The following HEATR5A variants were observed in gnomAD, a reference collection of about 807,000 sequenced individuals.
The protein encoded by HEATR5A is HEAT repeat containing 5A.
A neutral mutation model predicts 218.8 loss-of-function variants in HEATR5A; 178 were observed. That is an observed-to-expected ratio of 0.81 (90% confidence interval 0.72 to 0.92). The LOEUF is 0.92. HEATR5A is among the 40% of genes least tolerant of loss of function. The pLI is 0.00. For missense variants in HEATR5A, 2,420 were observed against 2,418.9 expected, an observed-to-expected ratio of 1.00 and a Z score of -0.01; for synonymous variants, 864 against 871.6, an observed-to-expected ratio of 0.99 and a Z score of 0.15.
intron 22 of HEATR5A, among the ~76,000 whole-genome samples, chr14:31,329,541 A>G (rs1316472280): frequency 3.3e-5 from 5 of 152,120 alleles, no homozygotes; most frequent in Non-Finnish European, 5.9e-5. Context: ...TCCAGGGAAC[A>G]CTGATGCAAG....
At position 31,302,301 on chromosome 14, in the gene HEATR5A, C is replaced by T; in HGVS notation, c.5458G>A (p.Asp1820Asn). The T allele has an allele frequency of 6.3e-7, 1 of 1,587,944 alleles. No individual in the cohort carries two copies. ...SALTTILDCW[D>N]PVDETHQELD... ...TCCAAATAGCCTCAATTACCTGGAT[C>T]CCAACAGTCAAGAATTGTTGTTAAG... The change falls in exon 33 of 36, where the codon GAT becomes AAT. Residue 1820 changes from aspartate to asparagine, a missense_variant. By Grantham distance (23) the Asp-to-Asn change is conservative. Coordinates refer to ENST00000543095, the MANE Select transcript of HEATR5A (RefSeq NM_015473.4).
intron 27 of HEATR5A, among the ~76,000 whole-genome samples, chr14:31,314,150 G>A (rs776622378): frequency 3.3e-5 from 5 of 152,020 alleles, no homozygotes; most frequent in East Asian, 3.9e-4. Context: ...GTTTCACCAC[G>A]TTGACCAGGC....
intron 28 of HEATR5A, among the ~76,000 whole-genome samples, chr14:31,310,151 A>ATT (rs147309147): frequency 1.3e-5 from 2 of 151,130 alleles, no homozygotes; most frequent in Non-Finnish European, 3.0e-5. Flanking sequence ...AACATACGCT[A>ATT]TTTTTTTTTG....
At chr14:31,333,176 G>A (rs1010017170) in intron 22 of HEATR5A, among the ~76,000 whole-genome samples, 7 of 152,102 alleles carry the variant, frequency 4.6e-5, no homozygotes, top group African/African-American at 1.7e-4. Context: ...GCAAGATAAA[G>A]CAGCAAATCC....
In HEATR5A at chr14:31,395,236, G is replaced by A; in HGVS notation, c.560C>T (p.Thr187Ile). Residue 187 changes from threonine to isoleucine, a missense_variant, in exon 5 of 36, where the codon ACA (threonine) becomes ATA (isoleucine). Coordinates refer to ENST00000543095, the MANE Select transcript of HEATR5A (RefSeq NM_015473.4). ...ACAACGAACAGCCATGGATCTATCT[G>A]TCAAGCAGGATCTAGCAGCTTTATA... ...DVYKAARSCL[T>I]DRSMAVRCAA... 6.5e-7 allele frequency: 1 copy of A among 1,533,822 alleles called. No individual in the cohort carries two copies.
At chr14:31,374,718 C>T (rs983447192) in intron 12 of HEATR5A, 98 bp downstream of exon 12, 1 of 1,140,556 alleles carries the variant, frequency 8.8e-7, no homozygotes, top group Non-Finnish European at 1.2e-6. Context: ...GGCATATCCC[C>T]CTGCCTCGTG....
Position 31,293,900 on chromosome 14 carries a change from C to T in HEATR5A, c.5824G>A (p.Glu1942Lys), listed in dbSNP as rs1211580413. The T allele has an allele frequency of 6.3e-7, 1 of 1,598,400 alleles. No homozygotes were observed. The highest frequency in any genetic ancestry group is 1.7e-5 in the Admixed American group (1 of 57,602). The change falls in exon 35 of 36, where the codon GAA (glutamate) becomes AAA (lysine). Residue 1942 changes from glutamate (E) to lysine (K), a missense_variant. Coordinates refer to ENST00000543095, the MANE Select transcript of HEATR5A (RefSeq NM_015473.4). The part of the protein sequence containing the change: ...VLETLVTVAE[E>K]HHRAQLVACL... ...TAGTGCTGACACTTACGATGGTGTT[C>T]TTCAGCAACAGTAACCAGTGTTTCT...
chr14:31,349,100 A>G (rs1901119074), intron 18 of HEATR5A, among the ~76,000 whole-genome samples: 1 of 152,180 alleles, frequency 6.6e-6, no homozygotes, highest in South Asian at 2.1e-4. Context: ...GATAGAAATG[A>G]AAGTACAGGC....
rs1327797406 is a variant in HEATR5A, at chr14:31,305,184, G to T, written c.4967-7C>A. ...TCAGCAGCCCCATCATCAACTAAAAGAAAGAATAGTGTTTAATACTTTGTG... is the reference window on the plus strand; with the variant it reads ...TCAGCAGCCCCATCATCAACTAAAATAAAGAATAGTGTTTAATACTTTGTG... On this transcript the variant is annotated splice_region_variant and splice_polypyrimidine_tract_variant and intron_variant, in intron 31 of 35. Transcript: ENST00000543095. The T allele has an allele frequency of 6.2e-7, 1 of 1,611,516 alleles. No homozygotes were observed. The highest frequency in any genetic ancestry group is 1.3e-5 in the African/African-American group (1 of 74,728).
At position 31,412,872 on chromosome 14, in the gene HEATR5A, C is replaced by T. The variant is rs547483524; in HGVS notation, c.-75+7600G>A. Among the ~76,000 whole-genome samples the T allele has an allele frequency of 7.2e-5, 11 of 152,158 alleles. No individual in the cohort carries two copies. The South Asian group carries it at 1.2e-3, about 17-fold the overall frequency. ...CTGGGCAACAAGAGCCAAACTCCATCTCAAAAAAAATTTGTGTTATTCTAT... is the reference window on the plus strand; with the variant it reads ...CTGGGCAACAAGAGCCAAACTCCATTTCAAAAAAAATTTGTGTTATTCTAT... On this transcript the variant is annotated intron_variant, in intron 1 of 35. Transcript: ENST00000543095.
intron 21 of HEATR5A, among the ~76,000 whole-genome samples, chr14:31,343,235 G>A (rs772036520): frequency 7.2e-5 from 11 of 152,142 alleles, no homozygotes; most frequent in Non-Finnish European, 1.3e-4. Context: ...TGGGATTACA[G>A]GCACCCACCA....
intron 27 of HEATR5A, among the ~76,000 whole-genome samples, chr14:31,315,444 A>G (rs543884226): frequency 4.6e-5 from 7 of 152,342 alleles, no homozygotes; most frequent in African/African-American, 1.2e-4. Context: ...AAAGCATTAC[A>G]TGCTACAGAG....
At chr14:31,390,130 G>A (rs2030391985) in intron 6 of HEATR5A, among the ~76,000 whole-genome samples, 1 of 152,118 alleles carries the variant, frequency 6.6e-6, no homozygotes, top group South Asian at 2.1e-4. Flanking sequence ...ATGACAAAAA[G>A]GCCTTTATAG....
intron 11 of HEATR5A, among the ~76,000 whole-genome samples, chr14:31,380,089 G>A (rs1315629686): frequency 6.6e-6 from 1 of 152,128 alleles, no homozygotes; most frequent in African/African-American, 2.4e-5. Context: ...AACAATTATA[G>A]AACTGGATTC....
At chr14:31,349,377 C>A (rs1901133990) in intron 18 of HEATR5A, among the ~76,000 whole-genome samples, 1 of 151,886 alleles carries the variant, frequency 6.6e-6, no homozygotes, top group Admixed American at 6.6e-5. Context: ...GGGTGAGACT[C>A]CGTCTCAAAA....
At chr14:31,306,144 C>T (rs943818278) in intron 31 of HEATR5A, among the ~76,000 whole-genome samples, 3 of 152,088 alleles carry the variant, frequency 2.0e-5, no homozygotes, top group Non-Finnish European at 4.4e-5. Flanking sequence ...TAACTACTGA[C>T]AATATCTAAA....
At chr14:31,416,029 C>A (rs2031433040) in intron 1 of HEATR5A, among the ~76,000 whole-genome samples, 1 of 151,974 alleles carries the variant, frequency 6.6e-6, no homozygotes, top group South Asian at 2.1e-4. Context: ...CAGCTCGCTG[C>A]AACCTCTACC....
chr14:31,364,611 G>A (rs1363579048), intron 13 of HEATR5A, among the ~76,000 whole-genome samples: 1 of 152,080 alleles, frequency 6.6e-6, no homozygotes, highest in Non-Finnish European at 1.5e-5. Flanking sequence ...TTTTGGTACA[G>A]ATGGGTTTCG....
intron 28 of HEATR5A, 28 bp from the exon 29 acceptor site, chr14:31,309,210 A>G: frequency 6.2e-7 from 1 of 1,601,616 alleles, no homozygotes; most frequent in East Asian, 2.2e-5. Context: ...AGGAAAAATA[A>G]GAGATTAACT....
Sources: gnomAD v4.1 joint callset for allele counts (sites outside exome capture counted in the v4.1 genomes callset) on GRCh38, gnomAD v4.1.1 for gene constraint, MANE v1.5 for transcripts, NCBI Gene and HGNC (gene_info 2026-07-23, HGNC 2026-07-21) for gene names.